Variants in DSG3 observed in about 807,000 individuals in gnomAD.
The protein encoded by DSG3 is desmoglein 3.
Under a neutral mutation model 85.9 loss-of-function variants are expected in DSG3, and 63 were observed. The observed-to-expected ratio is 0.73, with a 90% confidence interval of 0.60 to 0.90. The LOEUF (loss-of-function observed/expected upper bound fraction) is 0.90. DSG3 is among the 40% of genes least tolerant of loss of function. The pLI is 0.00. For missense variants in DSG3, 1,220 were observed against 1,219.9 expected (o/e 1.00, Z 0.00); for synonymous variants, 447 against 441.9 (o/e 1.01, Z -0.14).
At chr18:31,453,649 G>A (rs918722214) in intron 1 of DSG3, among the ~76,000 whole-genome samples, 1 of 151,742 alleles carries the variant, frequency 6.6e-6, no homozygotes, top group Non-Finnish European at 1.5e-5. Flanking sequence ...CTATACCAAG[G>A]CACTAAGGCT....
At chr18:31,450,869 G>C (rs1046025297) in intron 1 of DSG3, among the ~76,000 whole-genome samples, 2 of 152,140 alleles carry the variant, frequency 1.3e-5, no homozygotes, top group African/African-American at 4.8e-5. Flanking sequence ...TAGTAATGGG[G>C]TAATTCTTGA....
At position 31,460,833 on chromosome 18, in the gene DSG3, C is replaced by G. The variant is rs2144271547; in HGVS notation, c.685C>G (p.Gln229Glu). ...RTLTNSLDRE[Q>E]ASSYRLVVSG... ...TTCTTTATTTTTTATCCAAAATTAG[C>G]AAGCTAGCAGCTATCGTCTGGTTGT... Residue 229 changes from glutamine (Q) to glutamate (E), a missense_variant and splice_region_variant, in exon 7 of 16, where the codon CAA becomes GAA. Transcript: ENST00000257189. The G allele has an allele frequency of 1.9e-6, 3 of 1,566,080 alleles. No homozygotes were observed. The East Asian group carries it at 7.0e-5, about 37-fold the overall frequency.
At chr18:31,462,200 G>A (rs1038389465) in intron 8 of DSG3, among the ~76,000 whole-genome samples, 1 of 152,072 alleles carries the variant, frequency 6.6e-6, no homozygotes, top group Non-Finnish European at 1.5e-5. Context: ...AGCCTCCTGA[G>A]TAGCAGGGTC....
chr18:31,454,863 G>A (rs1425471112), intron 1 of DSG3, among the ~76,000 whole-genome samples: 1 of 151,748 alleles, frequency 6.6e-6, no homozygotes, highest in Non-Finnish European at 1.5e-5. Context: ...GTGTGGTGGT[G>A]TGCCCATGCC....
Position 31,464,173 on chromosome 18 carries a change from A to C in DSG3, c.1062A>C (p.Glu354Asp). 6.2e-7 allele frequency: 1 copy of C among 1,614,134 alleles called. No individual in the cohort carries two copies. Among genetic ancestry groups the C allele is most frequent in the South Asian group, 1.1e-5 (1 of 91,074 alleles). Residue 354 changes from glutamate to aspartate, a missense_variant, in exon 9 of 16, where the codon GAA becomes GAC. Coordinates refer to ENST00000257189, the MANE Select transcript of DSG3 (RefSeq NM_001944.3). Reference sequence around the variant, plus strand: ...GTATTGCTGTCAAAAACAAAGCTGAATTTCACCAATCAGTTATCTCTCGAT... The same window carrying C: ...GTATTGCTGTCAAAAACAAAGCTGACTTTCACCAATCAGTTATCTCTCGAT... ...KLSIAVKNKA[E>D]FHQSVISRYR... is the part of the protein sequence containing the mutation.
rs753295246 is a variant in DSG3, at chr18:31,475,892, G to A, written c.2632G>A (p.Gly878Ser). The A allele has an allele frequency of 3.2e-5, 51 of 1,614,070 alleles. No homozygotes were observed. The Admixed American group carries it at 5.0e-4, about 16-fold the overall frequency. The change falls in exon 16 of 16, where the codon GGT becomes AGT. Residue 878 changes from glycine to serine, a missense_variant. Transcript: ENST00000257189. ...KEVQPPSKDS[G>S]YGIESCGHPI... is the part of the protein sequence containing the mutation. ...AGTTCAGCCACCCTCTAAAGACAGC[G>A]GTTATGGGATTGAATCCTGTGGCCA...
chr18:31,458,029 C>A (rs1045018543), intron 3 of DSG3, among the ~76,000 whole-genome samples: 2 of 152,050 alleles, frequency 1.3e-5, no homozygotes, highest in Non-Finnish European at 2.9e-5. Flanking sequence ...CATATTTTAA[C>A]CCTACCATAC....
In DSG3 at chr18:31,475,764, G is replaced by T. The variant is rs11873969; in HGVS notation, c.2504G>T (p.Ser835Ile). Residue 835 changes from serine (S) to isoleucine (I), a missense_variant, in exon 16 of 16, where the codon AGT becomes ATT. By Grantham distance (142) the Ser-to-Ile change is moderately radical. Transcript: ENST00000257189. The part of the protein sequence containing the change: ...GSPVGSVGCC[S>I]FIADDLDDSF... Reference sequence around the variant, plus strand: ...CCTGTGGGCTCCGTGGGTTGTTGCAGTTTTATTGCTGATGACCTGGATGAC... The same window carrying T: ...CCTGTGGGCTCCGTGGGTTGTTGCATTTTTATTGCTGATGACCTGGATGAC... The T allele has an allele frequency of 5.0e-6, 8 of 1,614,172 alleles. No individual in the cohort carries two copies. The highest frequency in any genetic ancestry group is 5.9e-6 in the Non-Finnish European group (7 of 1,180,034).
In DSG3 at chr18:31,476,155, G is replaced by C; in HGVS notation, c.2895G>C (p.Val965=). The C allele has an allele frequency of 6.2e-7, 1 of 1,614,186 alleles. No homozygotes were observed. Among genetic ancestry groups the C allele is most frequent in the Non-Finnish European group, 8.5e-7 (1 of 1,180,032 alleles). ...LTQNVIVTER[V]ICPISSVPGN... ...AAAATGTGATAGTGACAGAAAGGGTGATCTGTCCCATTTCCAGTGTTCCTG... is the reference window on the plus strand; with the variant it reads ...AAAATGTGATAGTGACAGAAAGGGTCATCTGTCCCATTTCCAGTGTTCCTG... Residue 965 remains valine (V), a synonymous_variant, in exon 16 of 16, where the codon GTG becomes GTC. Coordinates refer to ENST00000257189, the MANE Select transcript of DSG3 (RefSeq NM_001944.3).
chr18:31,449,902 A>G (rs1009677244), intron 1 of DSG3, among the ~76,000 whole-genome samples: 1 of 152,244 alleles, frequency 6.6e-6, no homozygotes, highest in African/African-American at 2.4e-5. Context: ...GCTATTTAAT[A>G]TAAAATATAC....
chr18:31,475,690 T>C lies in DSG3; in HGVS notation c.2430T>C (p.Asn810=). Residue 810 remains asparagine (N), a synonymous_variant, in exon 16 of 16, where the codon AAT becomes AAC. Coordinates refer to ENST00000257189, the MANE Select transcript of DSG3 (RefSeq NM_001944.3). ...AGGAAGACGATGGCCAGGAAGCAAA[T>C]GACTGCTTGTTGATCTATGATAATG... ...CAEEDDGQEA[N]DCLLIYDNEG... is the part of the protein sequence containing the mutation. 1 of 1,614,184 alleles carries C rather than the reference T, an allele frequency of 6.2e-7. No individual in the cohort carries two copies. Among genetic ancestry groups the C allele is most frequent in the Non-Finnish European group, 8.5e-7 (1 of 1,180,024 alleles).
At chr18:31,449,046 C>G (rs1338662994) in intron 1 of DSG3, among the ~76,000 whole-genome samples, 4 of 152,120 alleles carry the variant, frequency 2.6e-5, no homozygotes, top group African/African-American at 7.2e-5. Context: ...CAGGCGTGCA[C>G]CACCACAGCC....
chr18:31,458,421 C>G (rs375280433), intron 3 of DSG3, 24 bp from the exon 4 acceptor site: 103 of 1,608,826 alleles, frequency 6.4e-5, no homozygotes, highest in Non-Finnish European at 8.3e-5. Flanking sequence ...GTCACCTCAA[C>G]GTTTTTGGTA....
chr18:31,466,466 A>T, intron 10 of DSG3, 64 bp from the exon 11 acceptor site: 1 of 1,413,106 alleles, frequency 7.1e-7, no homozygotes, highest in Non-Finnish European at 9.9e-7. Context: ...AATGTAAAAG[A>T]TTCTCCTTTT....
chr18:31,469,644 A>T (rs1211622989), intron 12 of DSG3, among the ~76,000 whole-genome samples: 1 of 152,190 alleles, frequency 6.6e-6, no homozygotes, highest in Non-Finnish European at 1.5e-5. Context: ...AGTAATGTTC[A>T]TGGTCAAAAT....
Position 31,476,755 on chromosome 18 carries a change from C to G in DSG3, c.*495C>G, listed in dbSNP as rs1052536724. 1.3e-5 allele frequency: 2 copies of G among 152,024 alleles called. No homozygotes were observed. The highest frequency in any genetic ancestry group is 2.9e-5 in the Non-Finnish European group (2 of 68,256). The allele number at this position is 152,024 out of a possible 1,614,324, so 9.4% of individuals were successfully genotyped here. On this transcript the variant is annotated 3_prime_UTR_variant, in exon 16 of 16. Coordinates refer to ENST00000257189, the MANE Select transcript of DSG3 (RefSeq NM_001944.3). Reference sequence around the variant, plus strand: ...CAGGTGGATCATGAGGTCAGGAGATCGAGACCATCCTGGCTAACAAGGTGA... The same window carrying G: ...CAGGTGGATCATGAGGTCAGGAGATGGAGACCATCCTGGCTAACAAGGTGA...
intron 1 of DSG3, among the ~76,000 whole-genome samples, chr18:31,450,490 G>GA (rs199509726): frequency 6.6e-6 from 1 of 152,188 alleles, no homozygotes; most frequent in African/African-American, 2.4e-5. Flanking sequence ...TCATGGGGGG[G>GA]AAAAGCAATG....
At chr18:31,463,011 C>T (rs570545833) in intron 8 of DSG3, among the ~76,000 whole-genome samples, 11 of 152,124 alleles carry the variant, frequency 7.2e-5, no homozygotes, top group Non-Finnish European at 1.2e-4. Context: ...GCAGTGGGTC[C>T]TTAAGACTCC....
rs763792527 is a variant in DSG3, at chr18:31,465,385, G to T, written c.1339G>T (p.Val447Phe). Reference sequence around the variant, plus strand: ...TTCAAAAACTGCTGAAATCAAATTTGTCAAAAATATGAACCGAGATTCTAC... The same window carrying T: ...TTCAAAAACTGCTGAAATCAAATTTTTCAAAAATATGAACCGAGATTCTAC... Reference protein sequence around the residue: ...IDSKTAEIKFVKNMNRDSTFI... With the variant: ...IDSKTAEIKFFKNMNRDSTFI... The change falls in exon 10 of 16, where the codon GTC (valine) becomes TTC (phenylalanine). Residue 447 changes from valine to phenylalanine, a missense_variant. Transcript: ENST00000257189. The T allele has an allele frequency of 1.3e-6, 2 of 1,548,296 alleles. No homozygotes were observed. Among genetic ancestry groups the T allele is most frequent in the Non-Finnish European group, 1.7e-6 (2 of 1,147,556 alleles).
Sources: gnomAD v4.1 joint callset for allele counts (sites outside exome capture counted in the v4.1 genomes callset) on GRCh38, gnomAD v4.1.1 for gene constraint, MANE v1.5 for transcripts, NCBI Gene and HGNC (gene_info 2026-07-23, HGNC 2026-07-21) for gene names.